Variants in ZNF248 observed in about 807,000 individuals in gnomAD.
The protein encoded by ZNF248 is KRAB protein domain.
Under a neutral mutation model 44.3 loss-of-function variants are expected in ZNF248, and 20 were observed. The ratio of observed to expected loss-of-function variants is 0.45; its 90% CI spans 0.32 to 0.66. ZNF248 has a LOEUF of 0.66. Among genes scored for constraint, ZNF248 ranks in the 30% least tolerant of loss-of-function variants. The pLI is 0.04. For missense variants in ZNF248, 654 were observed against 677.0 expected, an observed-to-expected ratio of 0.97 and a Z score of 0.38; for synonymous variants, 224 against 229.0, an observed-to-expected ratio of 0.98 and a Z score of 0.20.
intron 5 of ZNF248, among the ~76,000 whole-genome samples, chr10:37,834,473 T>C (rs756282575): frequency 2.4e-4 from 37 of 152,154 alleles, no homozygotes; most frequent in Non-Finnish European, 4.9e-4. Context: ...ACTTTCAGAA[T>C]GTATGAAAAT....
At chr10:37,790,275 A>AG (rs1374442118) in intron 6 of ZNF248, among the ~76,000 whole-genome samples, 55 of 149,600 alleles carry the variant, frequency 3.7e-4, no homozygotes, top group Non-Finnish European at 5.4e-4. Context: ...TGTGTCAAAA[A>AG]AAAAAAAAAA....
chr10:37,857,721 C>T (rs1374271929), upstream of ZNF248: 2 of 152,552 alleles, frequency 1.3e-5, no homozygotes, highest in East Asian at 1.9e-4. Context: ...TGTCCCCTCC[C>T]CGCAGCCAGT....
chr10:37,764,427 C>T, the ZNF248 span, among the ~76,000 whole-genome samples: 1 of 152,210 alleles, frequency 6.6e-6, no homozygotes, highest in Non-Finnish European at 1.5e-5. Flanking sequence ...CACCCCAGTC[C>T]TGTGATTTCG....
chr10:37,815,356 G>C (rs752671442), intron 6 of ZNF248, among the ~76,000 whole-genome samples: 3 of 151,694 alleles, frequency 2.0e-5, no homozygotes, highest in African/African-American at 7.3e-5. Flanking sequence ...AAGCCACCGC[G>C]CTCAGCTTCA....
At chr10:37,764,385 C>A in the ZNF248 span, among the ~76,000 whole-genome samples, 18 of 152,280 alleles carry the variant, frequency 1.2e-4, no homozygotes, top group South Asian at 1.5e-3. Context: ...AATGACAATG[C>A]GTGCCCGAAA....
At position 37,832,522 on chromosome 10, in the gene ZNF248, G is replaced by A. The variant is rs1449397934; in HGVS notation, c.833C>T (p.Ser278Phe). The A allele has an allele frequency of 1.2e-6, 2 of 1,613,750 alleles. No individual in the cohort carries two copies. Among genetic ancestry groups the A allele is most frequent in the Non-Finnish European group, 1.7e-6 (2 of 1,179,940 alleles). Residue 278 changes from serine to phenylalanine, a missense_variant, in exon 6 of 6, where the codon TCC becomes TTC. By Grantham distance (155) the Ser-to-Phe change is radical (BLOSUM62 -2). Coordinates refer to ENST00000395867, the MANE Select transcript of ZNF248 (RefSeq NM_021045.3). ...TCCAAACCTTAAATTCATGCAGAAGGACTTCCCGCAAATACTGCATCCATA... is the reference window on the plus strand; with the variant it reads ...TCCAAACCTTAAATTCATGCAGAAGAACTTCCCGCAAATACTGCATCCATA... ...EPYGCSICGK[S>F]FCMNLRFGHQ...
chr10:37,771,564 A>T (rs1175271024), downstream of ZNF248, among the ~76,000 whole-genome samples: 4 of 147,710 alleles, frequency 2.7e-5, no homozygotes, highest in African/African-American at 9.9e-5. Flanking sequence ...CATAGGTGGG[A>T]GTTGAACAAT....
At chr10:37,771,085 C>G in the ZNF248 span, among the ~76,000 whole-genome samples, 16,673 of 152,148 alleles carry the variant, frequency 0.11, 1,162 homozygotes, top group Admixed American at 0.19. Context: ...CCATCTCACA[C>G]CAGTTAGAAT....
intron 3 of ZNF248, among the ~76,000 whole-genome samples, chr10:37,849,574 G>A (rs1212072067): frequency 6.6e-6 from 1 of 151,702 alleles, no homozygotes; most frequent in African/African-American, 2.4e-5. Flanking sequence ...GTAGTCCCAG[G>A]TACTCAGGAG....
intron 6 of ZNF248, among the ~76,000 whole-genome samples, chr10:37,798,913 A>T (rs1296310217): frequency 6.6e-6 from 1 of 152,150 alleles, no homozygotes; most frequent in Non-Finnish European, 1.5e-5. Context: ...ATGCACACAC[A>T]GAAAAATAAA....
downstream of ZNF248, among the ~76,000 whole-genome samples, chr10:37,827,516 T>C (rs777683022): frequency 6.6e-6 from 1 of 152,178 alleles, no homozygotes; most frequent in East Asian, 1.9e-4. Context: ...CATTGGTTCT[T>C]TGTCATCTGA....
downstream of ZNF248, chr10:37,776,306 A>G: frequency 3.0e-6 from 1 of 333,618 alleles, no homozygotes. Flanking sequence ...CTTTTCTGAG[A>G]CGTGGTCCAA....
In ZNF248 at chr10:37,831,702, A is replaced by T. The variant is rs760013611; in HGVS notation, c.1653T>A (p.Asn551Lys). ...TCTGACTAAAGGTCTTCCCACATGC[A>T]TTACACTCATACGGCTTCTCCCCTG... The part of the protein sequence containing the change: ...THTGEKPYEC[N>K]ACGKTFSQRS... Residue 551 changes from asparagine to lysine, a missense_variant, in exon 6 of 6, where the codon AAT becomes AAA. Physicochemically the swap from Asn to Lys is moderately conservative, Grantham distance 94. Coordinates refer to ENST00000395867, the MANE Select transcript of ZNF248 (RefSeq NM_021045.3). 6 of 1,613,812 alleles carry T rather than the reference A, an allele frequency of 3.7e-6. No homozygotes were observed. Among genetic ancestry groups the T allele is most frequent in the Admixed American group, 1.7e-5 (1 of 59,960 alleles).
chr10:37,814,660 G>A (rs1015498360), intron 6 of ZNF248, among the ~76,000 whole-genome samples: 2 of 152,130 alleles, frequency 1.3e-5, no homozygotes, highest in Non-Finnish European at 2.9e-5. Context: ...ATACAGGATT[G>A]TTTGCTGACA....
chr10:37,831,278 T>G lies in ZNF248; in HGVS notation c.*337A>C. On this transcript the variant is annotated 3_prime_UTR_variant, in exon 6 of 6. Transcript: ENST00000395867. ...GACTCTTCACATATATGTTTAATGCTGCTGTCATTCAACTTTTATAAGCTT... is the reference window on the plus strand; with the variant it reads ...GACTCTTCACATATATGTTTAATGCGGCTGTCATTCAACTTTTATAAGCTT... The G allele has an allele frequency of 6.5e-7, 1 of 1,549,710 alleles. No individual in the cohort carries two copies. The highest frequency in any genetic ancestry group is 8.7e-7 in the Non-Finnish European group (1 of 1,146,216).
intron 6 of ZNF248, among the ~76,000 whole-genome samples, chr10:37,816,167 CA>C (rs769269977): frequency 1.1e-4 from 16 of 151,612 alleles, no homozygotes; most frequent in Non-Finnish European, 1.9e-4. Flanking sequence ...GGATGAAGGC[CA>C]GGGGGGAAGC....
intron 3 of ZNF248, among the ~76,000 whole-genome samples, chr10:37,853,186 G>C (rs1277474764): frequency 3.3e-5 from 5 of 151,940 alleles, no homozygotes; most frequent in Non-Finnish European, 5.9e-5. Flanking sequence ...TCATACCTCA[G>C]AACCAACCCC....
Position 37,838,260 on chromosome 10 carries a change from T to C in ZNF248, c.16-149A>G, listed in dbSNP as rs565226903. ...ACTATACAGAATACAAAATATCTTG[T>C]ATAAATTGAGTTTCTACTAAGGGTC... On this transcript the variant is annotated intron_variant, in intron 3 of 5. Coordinates refer to ENST00000395867, the MANE Select transcript of ZNF248 (RefSeq NM_021045.3). 8.9e-5 allele frequency: 56 copies of C among 630,200 alleles called. No homozygotes were observed. The African/African-American group carries it at 1.0e-3, about 11-fold the overall frequency. The allele number at this position is 630,200 out of a possible 1,614,324, so 39.0% of individuals were successfully genotyped here. A position where few individuals can be genotyped will look rare whatever the true frequency, so the allele number is the denominator to read the frequency against.
downstream of ZNF248, among the ~76,000 whole-genome samples, chr10:37,824,354 C>G (rs1259013745): frequency 6.6e-6 from 1 of 152,094 alleles, no homozygotes; most frequent in Non-Finnish European, 1.5e-5. Flanking sequence ...TCATCCAATA[C>G]CCCCTCACAG....
Sources: allele counts gnomAD v4.1 joint callset (sites outside exome capture counted in the v4.1 genomes callset), GRCh38; gene constraint gnomAD v4.1.1; transcripts MANE v1.5; gene names NCBI Gene and HGNC (gene_info 2026-07-23, HGNC 2026-07-21).